The following GRB10 variants were observed in gnomAD, a reference collection of about 807,000 sequenced individuals.
GRB10 encodes growth factor receptor-bound protein 10.
A neutral mutation model predicts 80.9 loss-of-function variants in GRB10; 20 were observed. That is an observed-to-expected ratio of 0.25 (90% confidence interval 0.17 to 0.36). GRB10 has a LOEUF of 0.36. Among genes scored for constraint, GRB10 ranks in the 10% least tolerant of loss-of-function variants. The pLI, the probability that GRB10 is intolerant of heterozygous loss-of-function variation, is 1.00. For missense variants in GRB10, 548 were observed against 747.7 expected (o/e 0.73, Z 3.12); for synonymous variants, 291 against 291.5 (o/e 1.00, Z 0.02).
chr7:50,601,599 G>C (rs554125223), intron 17 of GRB10, among the ~76,000 whole-genome samples: 1 of 152,018 alleles, frequency 6.6e-6, no homozygotes, highest in South Asian at 2.1e-4. Context: ...GATATTACAG[G>C]TATGTATTTT....
At chr7:50,625,098 G>C (rs1269953559) in intron 8 of GRB10, among the ~76,000 whole-genome samples, 1 of 152,110 alleles carries the variant, frequency 6.6e-6, no homozygotes, top group East Asian at 1.9e-4. Context: ...AAGTTTTAAT[G>C]CATCATTTAT....
At chr7:50,757,039 T>C (rs991817039) in intron 2 of GRB10, among the ~76,000 whole-genome samples, 53 of 152,046 alleles carry the variant, frequency 3.5e-4, no homozygotes, top group African/African-American at 1.2e-3. Flanking sequence ...ACGGTGAAAA[T>C]GAAACCTGCC....
At chr7:50,675,344 G>A (rs981070229) in intron 5 of GRB10, among the ~76,000 whole-genome samples, 3 of 152,198 alleles carry the variant, frequency 2.0e-5, no homozygotes, top group South Asian at 4.1e-4. Context: ...GAGAGAGAGC[G>A]GCGGAAAACG....
intron 4 of GRB10, chr7:50,729,468 A>G (rs1212907294): frequency 6.6e-6 from 1 of 152,174 alleles, no homozygotes; most frequent in African/African-American, 2.4e-5. Context: ...CTTCTTCAAA[A>G]GCCTGGAGGC....
chr7:50,616,256 C>T lies in GRB10; in HGVS notation c.938G>A (p.Cys313Tyr). ...GCAATAAAGGCCAGATCTCCGCAAA[C>T]ACACATACAGCTTTTTCCATGATTT... is the stretch of plus-strand genomic sequence containing the variant. ...GKKSWKKLYVCLRRSGLYCST... is the reference protein window; with the variant it reads ...GKKSWKKLYVYLRRSGLYCST... Residue 313 changes from cysteine (C) to tyrosine (Y), a missense_variant, in exon 11 of 19, where the codon TGT becomes TAT. Physicochemically the swap from Cys to Tyr is radical, Grantham distance 194. Coordinates refer to ENST00000401949, the MANE Select transcript of GRB10 (RefSeq NM_001350814.2). 1 of 1,614,216 alleles carries T rather than the reference C, an allele frequency of 6.2e-7. No homozygotes were observed.
At chr7:50,676,181 A>C (rs2060903563) in intron 5 of GRB10, among the ~76,000 whole-genome samples, 1 of 152,026 alleles carries the variant, frequency 6.6e-6, no homozygotes, top group Admixed American at 6.5e-5. Context: ...ACCAAAGGCT[A>C]CATTGGTAGG....
intron 5 of GRB10, among the ~76,000 whole-genome samples, chr7:50,679,242 C>T (rs774520753): frequency 2.6e-5 from 4 of 152,160 alleles, no homozygotes; most frequent in Non-Finnish European, 5.9e-5. Context: ...CAAACTGAGG[C>T]TGGCTTAGTT....
chr7:50,780,189 T>C (rs1232550935), intron 2 of GRB10, among the ~76,000 whole-genome samples: 1 of 152,172 alleles, frequency 6.6e-6, no homozygotes, highest in African/African-American at 2.4e-5. Context: ...GGGTTTGGGA[T>C]GGGTTAGGAC....
chr7:50,782,584 C>T lies in GRB10; in HGVS notation c.-487G>A, dbSNP rs2078418813. On this transcript the variant is annotated 5_prime_UTR_variant, in exon 1 of 19. Transcript: ENST00000401949. This position sits in a 1 kb window ranked among gnomAD's most constrained non-coding sequence, Gnocchi z 6.6. Reference sequence around the variant, plus strand: ...GCCGGGCTGGTCCTCCACGGCTCCGCCCCGGCCAGGGGCCTGCGGCGCAGA... The same window carrying T: ...GCCGGGCTGGTCCTCCACGGCTCCGTCCCGGCCAGGGGCCTGCGGCGCAGA... The T allele has an allele frequency of 6.6e-6, 1 of 151,142 alleles. No homozygotes were observed. Among genetic ancestry groups the T allele is most frequent in the East Asian group, 1.9e-4 (1 of 5,160 alleles). The allele number at this position is 151,142 out of a possible 1,614,324, so 9.4% of individuals were successfully genotyped here.
At chr7:50,745,261 T>C (rs2072696099) in intron 3 of GRB10, among the ~76,000 whole-genome samples, 1 of 152,324 alleles carries the variant, frequency 6.6e-6, no homozygotes, top group South Asian at 2.1e-4. Flanking sequence ...TAAAATTGGG[T>C]TCCTTTTAAA....
chr7:50,760,613 T>C (rs1156454785), intron 2 of GRB10, among the ~76,000 whole-genome samples: 1 of 152,204 alleles, frequency 6.6e-6, no homozygotes, highest in Non-Finnish European at 1.5e-5. Context: ...CATCATCTAG[T>C]AAAATGCACC....
chr7:50,786,140 A>G (rs943306747), upstream of GRB10, among the ~76,000 whole-genome samples: 1 of 152,150 alleles, frequency 6.6e-6, no homozygotes, highest in Non-Finnish European at 1.5e-5. Context: ...ATGAAAATAG[A>G]AACAAAATCC....
intron 5 of GRB10, among the ~76,000 whole-genome samples, chr7:50,687,512 G>A (rs1357715921): frequency 6.6e-6 from 1 of 152,122 alleles, no homozygotes; most frequent in Non-Finnish European, 1.5e-5. Context: ...AGAAACCCCA[G>A]CCACCTCTTG....
At chr7:50,748,472 A>T (rs2073417078) in intron 3 of GRB10, among the ~76,000 whole-genome samples, 1 of 152,242 alleles carries the variant, frequency 6.6e-6, no homozygotes, top group Non-Finnish European at 1.5e-5. Context: ...ACAGCATAAC[A>T]AAACCAGAGG....
At chr7:50,695,592 C>G (rs1003502435) in intron 5 of GRB10, among the ~76,000 whole-genome samples, 1 of 152,182 alleles carries the variant, frequency 6.6e-6, no homozygotes, top group South Asian at 2.1e-4. Context: ...ATGGACTTAC[C>G]CTGCTGGACT....
chr7:50,659,058 C>T (rs1343430385), intron 7 of GRB10, among the ~76,000 whole-genome samples: 2 of 152,188 alleles, frequency 1.3e-5, no homozygotes, highest in Admixed American at 6.5e-5. Flanking sequence ...TCCCAAAGTG[C>T]GTTCTGTGTA....
At chr7:50,658,331 A>G (rs1256404096) in intron 7 of GRB10, among the ~76,000 whole-genome samples, 1 of 152,222 alleles carries the variant, frequency 6.6e-6, no homozygotes, top group African/African-American at 2.4e-5. Context: ...TAAATTGGGG[A>G]AAGTGCATTG....
chr7:50,662,158 C>T (rs1162302285), intron 7 of GRB10, among the ~76,000 whole-genome samples: 2 of 152,202 alleles, frequency 1.3e-5, no homozygotes, highest in Non-Finnish European at 2.9e-5. Context: ...TTGACCTTCT[C>T]AGTTGAAGAC....
intron 4 of GRB10, among the ~76,000 whole-genome samples, chr7:50,708,505 G>A (rs967994021): frequency 1.3e-5 from 2 of 152,134 alleles, no homozygotes; most frequent in Non-Finnish European, 2.9e-5. Flanking sequence ...AAACAGTGGC[G>A]CTCTGCCAGG....
Sources: gnomAD v4.1 joint callset for allele counts (sites outside exome capture counted in the v4.1 genomes callset) on GRCh38, gnomAD v4.1.1 for gene constraint, Gnocchi (gnomAD v3.1) non-coding constraint, MANE v1.5 for transcripts, NCBI Gene and HGNC (gene_info 2026-07-23, HGNC 2026-07-21) for gene names.